The following PEBP4 variants were observed in gnomAD, a reference collection of about 807,000 sequenced individuals.
PEBP4 encodes phosphatidylethanolamine-binding protein 4.
A neutral mutation model predicts 23.9 loss-of-function variants in PEBP4; 22 were observed. The ratio of observed to expected loss-of-function variants is 0.92; its 90% CI spans 0.66 to 1.31. The LOEUF (loss-of-function observed/expected upper bound fraction) is 1.31, where lower values mean the gene tolerates loss of function less well. Among genes scored for constraint, PEBP4 ranks in the 40% most tolerant of loss-of-function variants. PEBP4 has a pLI of 0.00. For missense variants in PEBP4, 324 were observed against 281.7 expected, an observed-to-expected ratio of 1.15 and a Z score of -1.07; for synonymous variants, 112 against 99.3, an observed-to-expected ratio of 1.13 and a Z score of -0.76.
chr8:22,856,190 A>G (rs1337015126), intron 3 of PEBP4, among the ~76,000 whole-genome samples: 1 of 152,140 alleles, frequency 6.6e-6, no homozygotes, highest in African/African-American at 2.4e-5. Flanking sequence ...AAAAGTCTAA[A>G]TAGAAAAAAT....
intron 3 of PEBP4, among the ~76,000 whole-genome samples, chr8:22,857,128 C>A (rs1041219838): frequency 2.0e-5 from 3 of 151,978 alleles, no homozygotes; most frequent in East Asian, 1.9e-4. Context: ...TTAATACTGG[C>A]TTATCTTTTA....
chr8:22,793,412 A>G (rs1043297248), intron 4 of PEBP4, among the ~76,000 whole-genome samples: 25 of 148,896 alleles, frequency 1.7e-4, no homozygotes, highest in African/African-American at 5.9e-4. Context: ...GATTACAGGC[A>G]TGCACCACCA....
At chr8:22,925,524 G>A (rs1395710618) in intron 2 of PEBP4, among the ~76,000 whole-genome samples, 1 of 152,216 alleles carries the variant, frequency 6.6e-6, no homozygotes, top group South Asian at 2.1e-4. Context: ...TACTGACAGT[G>A]AAAGGAGTCA....
intron 4 of PEBP4, among the ~76,000 whole-genome samples, chr8:22,786,822 C>T (rs569655831): frequency 6.0e-4 from 86 of 144,386 alleles, no homozygotes; most frequent in African/African-American, 2.1e-3. Context: ...CACCCCCTAC[C>T]GCTTTTTTTT....
intron 1 of PEBP4, among the ~76,000 whole-genome samples, chr8:22,936,867 CAATT>C (rs946202311): frequency 6.6e-6 from 1 of 152,136 alleles, no homozygotes; most frequent in African/African-American, 2.4e-5. Context: ...ATGGTCATCT[CAATT>C]GATGCAAAAA....
intron 3 of PEBP4, among the ~76,000 whole-genome samples, chr8:22,846,105 G>T (rs1244468026): frequency 2.6e-5 from 4 of 152,170 alleles, no homozygotes; most frequent in Non-Finnish European, 5.9e-5. Flanking sequence ...TTTCTGGTGG[G>T]TTGCTTCTCC....
Position 22,888,234 on chromosome 8 carries a change from A to G in PEBP4, c.258+31950T>C, listed in dbSNP as rs184168330. On this transcript the variant is annotated intron_variant, in intron 3 of 6. Transcript: ENST00000256404. ...AGTGGTATGATCGCAGCTCACTGCA[A>G]CCTCCACCTCCCAGGTTCAAGCAAT... Among the ~76,000 whole-genome samples, 497 of 150,018 alleles carry G rather than the reference A, an allele frequency of 3.3e-3. 2 individuals are homozygous for G. The highest frequency in any genetic ancestry group is 0.011 in the African/African-American group (455 of 40,714).
At chr8:22,805,822 C>T (rs1018937448) in intron 4 of PEBP4, among the ~76,000 whole-genome samples, 1 of 151,844 alleles carries the variant, frequency 6.6e-6, no homozygotes, top group Non-Finnish European at 1.5e-5. Flanking sequence ...ATTGCATAAA[C>T]TTTTTGATCT....
intron 4 of PEBP4, among the ~76,000 whole-genome samples, chr8:22,808,116 A>T (rs1363598995): frequency 6.7e-6 from 1 of 150,142 alleles, no homozygotes; most frequent in Non-Finnish European, 1.5e-5. Context: ...CTATCCACCC[A>T]CCTACCCAAC....
intron 1 of PEBP4, among the ~76,000 whole-genome samples, chr8:22,935,852 T>C (rs1432702532): frequency 1.3e-5 from 2 of 152,056 alleles, no homozygotes; most frequent in African/African-American, 4.8e-5. Context: ...CCAAGTGTTT[T>C]CGATAAGGGA....
intron 4 of PEBP4, among the ~76,000 whole-genome samples, chr8:22,771,775 C>T (rs1254510138): frequency 1.3e-5 from 2 of 152,206 alleles, no homozygotes; most frequent in African/African-American, 4.8e-5. Flanking sequence ...GCGTTACTGC[C>T]CCTTTCCATG....
At chr8:22,824,736 T>C (rs184145341) in intron 3 of PEBP4, among the ~76,000 whole-genome samples, 9 of 152,264 alleles carry the variant, frequency 5.9e-5, no homozygotes, top group Admixed American at 1.3e-4. Flanking sequence ...CTAGATTCCT[T>C]GCATGTACAG....
intron 3 of PEBP4, among the ~76,000 whole-genome samples, chr8:22,918,951 G>GTGCACA (rs1490062705): frequency 1.0e-5 from 1 of 97,622 alleles, no homozygotes; most frequent in African/African-American, 3.4e-5. Flanking sequence ...ACATGTGCAC[G>GTGCACA]TGTGCACTTT....
At chr8:22,855,634 T>C (rs1807630792) in intron 3 of PEBP4, among the ~76,000 whole-genome samples, 1 of 152,172 alleles carries the variant, frequency 6.6e-6, no homozygotes, top group Admixed American at 6.5e-5. Context: ...AGAATGTCCT[T>C]ATGCGTGGGG....
At chr8:22,927,923 T>A, upstream of PEBP4, 2 of 564,870 alleles carry the variant, frequency 3.5e-6, no homozygotes, top group Non-Finnish European at 6.1e-6. Context: ...CTGGGCCTCT[T>A]CCAAGTTGGA....
chr8:22,825,810 G>C (rs1806955319), intron 3 of PEBP4, among the ~76,000 whole-genome samples: 1 of 152,190 alleles, frequency 6.6e-6, no homozygotes, highest in Non-Finnish European at 1.5e-5. Context: ...CAGATGAATG[G>C]ATAAAGAAAA....
chr8:22,892,214 C>A (rs1025289096), intron 3 of PEBP4, among the ~76,000 whole-genome samples: 2 of 152,086 alleles, frequency 1.3e-5, no homozygotes, highest in Admixed American at 6.5e-5. Flanking sequence ...TAAGTAATAT[C>A]TTTTCTAAAT....
chr8:22,803,198 G>T (rs1026524362), intron 4 of PEBP4, among the ~76,000 whole-genome samples: 6 of 152,058 alleles, frequency 3.9e-5, no homozygotes, highest in Non-Finnish European at 7.4e-5. Context: ...CCGACCTCTT[G>T]CCCAATCTCT....
intron 4 of PEBP4, among the ~76,000 whole-genome samples, chr8:22,808,658 G>A (rs1400409791): frequency 1.3e-5 from 2 of 152,174 alleles, no homozygotes; most frequent in Non-Finnish European, 2.9e-5. Context: ...AGGAGGAGTT[G>A]CCTCACGGAG....
Sources: allele counts gnomAD v4.1 joint callset (sites outside exome capture counted in the v4.1 genomes callset), GRCh38; gene constraint gnomAD v4.1.1; transcripts MANE v1.5; gene names NCBI Gene and HGNC (gene_info 2026-07-23, HGNC 2026-07-21).